The following ITGA8 variants were observed in gnomAD, a reference collection of about 807,000 sequenced individuals.
ITGA8 encodes the protein integrin subunit alpha 8, also known as integrin alpha-8.
Under a neutral mutation model 142.3 loss-of-function variants are expected in ITGA8, and 91 were observed. The observed-to-expected ratio is 0.64, with a 90% CI of 0.54 to 0.76. The LOEUF is 0.76. Ranked by LOEUF, ITGA8 falls within the 30% of genes least tolerant of loss-of-function variation. ITGA8 has a pLI of 0.00. For missense variants in ITGA8, 1,406 were observed against 1,327.7 expected (o/e 1.06, Z -0.92); for synonymous variants, 505 against 485.2 (o/e 1.04, Z -0.54).
At position 15,718,843 on chromosome 10, in the gene ITGA8, T is replaced by C. The variant is rs745580015; in HGVS notation, c.266A>G (p.Glu89Gly). Residue 89 changes from glutamate (E) to glycine (G), a missense_variant, in exon 2 of 30, where the codon GAA becomes GGA. Glu to Gly is a moderately conservative substitution (Grantham distance 98, BLOSUM62 -2). Transcript: ENST00000378076. The stretch of plus-strand genomic sequence containing the variant: ...AGGACAGTAATAGACGGCTCCCCCT[T>C]CCACGATATCGGGCTGGCTGGTGTT... The part of the protein sequence containing the change: ...KANTSQPDIV[E>G]GGAVYYCPWP... The C allele has an allele frequency of 6.2e-7, 1 of 1,614,046 alleles. No individual in the cohort carries two copies. Among genetic ancestry groups the C allele is most frequent in the Non-Finnish European group, 8.5e-7 (1 of 1,180,004 alleles).
At chr10:15,569,110 C>T (rs1028451724) in intron 25 of ITGA8, among the ~76,000 whole-genome samples, 1 of 152,040 alleles carries the variant, frequency 6.6e-6, no homozygotes, top group African/African-American at 2.4e-5. Context: ...AACTTAAGAA[C>T]ACATAAGGAA....
At chr10:15,647,086 G>A in intron 11 of ITGA8, 35 bp from the exon 12 acceptor site, 1 of 1,505,840 alleles carries the variant, frequency 6.6e-7, no homozygotes. Context: ...CAGCACGCTA[G>A]CAGAGAGTAG....
At chr10:15,592,989 G>A (rs1832951329) in intron 21 of ITGA8, among the ~76,000 whole-genome samples, 1 of 152,182 alleles carries the variant, frequency 6.6e-6, no homozygotes, top group Non-Finnish European at 1.5e-5. Context: ...TATGGAAAAT[G>A]CTTCTAATGT....
intron 3 of ITGA8, among the ~76,000 whole-genome samples, chr10:15,686,038 T>G (rs9333088): frequency 3.3e-4 from 50 of 152,216 alleles, no homozygotes; most frequent in African/African-American, 1.2e-3. Flanking sequence ...CTCCAAATAC[T>G]CATCTCTAAA....
intron 13 of ITGA8, among the ~76,000 whole-genome samples, chr10:15,619,759 C>T (rs1352702791): frequency 1.3e-5 from 2 of 152,092 alleles, no homozygotes; most frequent in African/African-American, 4.8e-5. Flanking sequence ...GAAACATGAG[C>T]TCTGTTCTTC....
chr10:15,620,338 C>T (rs547662463), intron 13 of ITGA8, among the ~76,000 whole-genome samples: 1 of 151,280 alleles, frequency 6.6e-6, no homozygotes, highest in Non-Finnish European at 1.5e-5. Flanking sequence ...CACACACGTT[C>T]CAGATTCTAG....
At chr10:15,665,028 C>A (rs1462508617) in intron 8 of ITGA8, among the ~76,000 whole-genome samples, 1 of 152,106 alleles carries the variant, frequency 6.6e-6, no homozygotes, top group Non-Finnish European at 1.5e-5. Context: ...TGGGTATATA[C>A]CCAGTAATGG....
At chr10:15,678,340 T>G (rs1285510482) in intron 5 of ITGA8, among the ~76,000 whole-genome samples, 1 of 152,180 alleles carries the variant, frequency 6.6e-6, no homozygotes, top group African/African-American at 2.4e-5. Context: ...ATTTTAATAT[T>G]AATATTAAAT....
intron 25 of ITGA8, 54 bp from the exon 26 acceptor site, chr10:15,558,256 A>G (rs1833919270): frequency 6.2e-7 from 1 of 1,603,392 alleles, no homozygotes; most frequent in Non-Finnish European, 8.5e-7. Context: ...CAGTTGCTAC[A>G]TTTTCTTTAG....
At chr10:15,599,784 G>T (rs936557662) in intron 20 of ITGA8, among the ~76,000 whole-genome samples, 1 of 152,184 alleles carries the variant, frequency 6.6e-6, no homozygotes, top group African/African-American at 2.4e-5. Flanking sequence ...AGCTGAGCAT[G>T]GTGGCTGGCG....
Position 15,592,247 on chromosome 10 carries a change from T to C in ITGA8, c.2269A>G (p.Asn757Asp), listed in dbSNP as rs1020966225. The C allele has an allele frequency of 5.6e-6, 9 of 1,613,602 alleles. No individual in the cohort carries two copies. The highest frequency in any genetic ancestry group is 7.6e-6 in the Non-Finnish European group (9 of 1,179,666). Residue 757 changes from asparagine (N) to aspartate (D), a missense_variant, in exon 22 of 30, where the codon AAC becomes GAC. Asn to Asp is a conservative substitution (Grantham distance 23, BLOSUM62 1). Transcript: ENST00000378076. ...AACCTTCTGATTTGGAGATCGAAGT[T>C]AATGCTCATGTTTGTTTTCTCAAGA... ...PRLEKTNMSI[N>D]FDLQIRSSNK... is the part of the protein sequence containing the mutation.
At chr10:15,540,870 C>T (rs1021537159) in intron 27 of ITGA8, among the ~76,000 whole-genome samples, 1 of 152,150 alleles carries the variant, frequency 6.6e-6, no homozygotes, top group African/African-American at 2.4e-5. Flanking sequence ...TAGCTGCCTT[C>T]ATTGCTCATC....
chr10:15,652,647 A>G (rs1025844320), intron 11 of ITGA8, among the ~76,000 whole-genome samples: 2 of 152,176 alleles, frequency 1.3e-5, no homozygotes, highest in African/African-American at 4.8e-5. Context: ...CCTAATAGCT[A>G]CTTTATTTTT....
chr10:15,609,991 CT>C (rs1833263455), intron 15 of ITGA8, among the ~76,000 whole-genome samples: 1 of 152,044 alleles, frequency 6.6e-6, no homozygotes, highest in South Asian at 2.1e-4. Context: ...TAAAGGGTTA[CT>C]ATTTATTTAT....
chr10:15,652,619 G>T (rs552030752), intron 11 of ITGA8, among the ~76,000 whole-genome samples: 1 of 152,286 alleles, frequency 6.6e-6, no homozygotes, highest in African/African-American at 2.4e-5. Context: ...ACCTAAGTTG[G>T]AAATCTTGAA....
At chr10:15,612,173 C>T (rs1446263596) in intron 15 of ITGA8, among the ~76,000 whole-genome samples, 6 of 152,116 alleles carry the variant, frequency 3.9e-5, no homozygotes, top group Non-Finnish European at 8.8e-5. Flanking sequence ...TTTTCAAGAG[C>T]AGTTAAAGAA....
chr10:15,575,492 A>G lies in ITGA8; in HGVS notation c.2475T>C (p.Tyr825=). 6.2e-7 allele frequency: 1 copy of G among 1,609,878 alleles called. No individual in the cohort carries two copies. The highest frequency in any genetic ancestry group is 8.5e-7 in the Non-Finnish European group (1 of 1,176,152). ...EEVGPLVEHI[Y]ELHNIGPSTI... ...CTTTAACACAGACAATGGCTACCTC[A>G]TAAATATGTTCCACCAATGGTCCAA... The change falls in exon 24 of 30, where the codon TAT becomes TAC. Residue 825 remains tyrosine, a synonymous_variant. Coordinates refer to ENST00000378076, the MANE Select transcript of ITGA8 (RefSeq NM_003638.3).
intron 6 of ITGA8, among the ~76,000 whole-genome samples, chr10:15,673,346 G>T (rs978919314): frequency 6.6e-6 from 1 of 152,088 alleles, no homozygotes; most frequent in Non-Finnish European, 1.5e-5. Context: ...GCCTCCCAAA[G>T]TGCTGGGATT....
chr10:15,590,134 G>T (rs1367535850), intron 22 of ITGA8, among the ~76,000 whole-genome samples: 1 of 152,166 alleles, frequency 6.6e-6, no homozygotes, highest in African/African-American at 2.4e-5. Flanking sequence ...GTATATTCCA[G>T]TTCTTTCTGC....
Sources: allele counts gnomAD v4.1 joint callset (sites outside exome capture counted in the v4.1 genomes callset), GRCh38; gene constraint gnomAD v4.1.1; transcripts MANE v1.5; gene names NCBI Gene and HGNC (gene_info 2026-07-23, HGNC 2026-07-21).